The following NCOA2 variants were observed in gnomAD, a reference collection of about 807,000 sequenced individuals.
NCOA2 encodes nuclear receptor coactivator 2.
In NCOA2, 21 loss-of-function variants were observed where a neutral mutation model predicts 145.1. The observed-to-expected ratio is 0.14, with a 90% confidence interval of 0.10 to 0.21. The LOEUF is 0.21. Ranked by LOEUF, NCOA2 falls within the 10% of genes least tolerant of loss-of-function variation. NCOA2 has a pLI of 1.00. For missense variants in NCOA2, 1,472 were observed against 1,837.6 expected (o/e 0.80, Z 3.64); for synonymous variants, 619 against 637.5 (o/e 0.97, Z 0.44).
chr8:70,218,187 G>A (rs959266844), intron 2 of NCOA2, among the ~76,000 whole-genome samples: 25 of 143,738 alleles, frequency 1.7e-4, no homozygotes, highest in African/African-American at 4.4e-4. Context: ...ATACAATAGC[G>A]CAGTGGAGTT....
the NCOA2 span, among the ~76,000 whole-genome samples, chr8:70,410,960 T>A: frequency 6.6e-6 from 1 of 152,040 alleles, no homozygotes; most frequent in Non-Finnish European, 1.5e-5. Context: ...TATTCTGGGG[T>A]GATTAATATT....
At chr8:70,380,978 T>C (rs558641561) in intron 1 of NCOA2, among the ~76,000 whole-genome samples, 1 of 150,694 alleles carries the variant, frequency 6.6e-6, no homozygotes, top group Admixed American at 6.6e-5. Flanking sequence ...TGGGATGAGG[T>C]AGGAGGATCA....
upstream of NCOA2, chr8:70,403,872 C>CCTCCTCCTT: frequency 2.6e-6 from 1 of 387,600 alleles, no homozygotes; most frequent in Non-Finnish European, 4.6e-6. Flanking sequence ...TCCTCCTCCT[C>CCTCCTCCTT]CTCCTCCGCG....
chr8:70,376,447 G>A (rs1203243975), intron 1 of NCOA2, among the ~76,000 whole-genome samples: 2 of 151,912 alleles, frequency 1.3e-5, no homozygotes, highest in African/African-American at 4.8e-5. Flanking sequence ...ATACAGTCTG[G>A]ATTTTTCTAT....
At chr8:70,195,933 G>A (rs184832861) in intron 4 of NCOA2, among the ~76,000 whole-genome samples, 21 of 152,284 alleles carry the variant, frequency 1.4e-4, no homozygotes, top group Admixed American at 1.4e-3. Context: ...AGAAGGAACA[G>A]CATTATAGGG....
At chr8:70,396,462 G>T (rs917735828) in intron 1 of NCOA2, among the ~76,000 whole-genome samples, 1 of 152,190 alleles carries the variant, frequency 6.6e-6, no homozygotes, top group Admixed American at 6.5e-5. Flanking sequence ...GAGCTAACAA[G>T]AACAGGGTTC....
intron 15 of NCOA2, among the ~76,000 whole-genome samples, chr8:70,133,964 C>T (rs1207719876): frequency 6.6e-6 from 1 of 152,194 alleles, no homozygotes; most frequent in African/African-American, 2.4e-5. Context: ...CCTGCTTCCC[C>T]GACTTCCTCA....
At chr8:70,154,965 G>A (rs1275306426) in intron 11 of NCOA2, among the ~76,000 whole-genome samples, 1 of 152,186 alleles carries the variant, frequency 6.6e-6, no homozygotes, top group Non-Finnish European at 1.5e-5. Flanking sequence ...GTGAGGTAAT[G>A]TATTTGTTAA....
At chr8:70,383,966 G>A (rs1812447084) in intron 1 of NCOA2, among the ~76,000 whole-genome samples, 1 of 152,064 alleles carries the variant, frequency 6.6e-6, no homozygotes, top group Non-Finnish European at 1.5e-5. Context: ...TTTCCATCAG[G>A]GAATTTAGCT....
In NCOA2 at chr8:70,166,648, A is replaced by T; in HGVS notation, c.648T>A (p.Asp216Glu). The change falls in exon 7 of 23, where the codon GAT becomes GAA. Residue 216 changes from aspartate (D) to glutamate (E), a missense_variant. Asp to Glu is a conservative substitution (Grantham distance 45, BLOSUM62 2). Transcript: ENST00000452400. Reference protein sequence around the residue: ...PLPDSEEEGHDNQEAHQKYET... With the variant: ...PLPDSEEEGHENQEAHQKYET... ...CATATTTCTGATGAGCTTCCTGGTT[A>T]TCATGACCCTCCTCTTCTGAATCAG... 6.2e-7 allele frequency: 1 copy of T among 1,614,024 alleles called. No homozygotes were observed. Among genetic ancestry groups the T allele is most frequent in the Non-Finnish European group, 8.5e-7 (1 of 1,179,892 alleles).
intron 1 of NCOA2, among the ~76,000 whole-genome samples, chr8:70,397,021 A>G: frequency 6.6e-6 from 1 of 152,152 alleles, no homozygotes. Flanking sequence ...AATGGAGGTA[A>G]CCTCTATTTT....
At chr8:70,310,132 A>G (rs2135989171) in intron 1 of NCOA2, among the ~76,000 whole-genome samples, 1 of 152,064 alleles carries the variant, frequency 6.6e-6, no homozygotes, top group African/African-American at 2.4e-5. Flanking sequence ...GGAGTTCGAG[A>G]CCAGCAAGAC....
chr8:70,341,994 T>C (rs539944433), intron 1 of NCOA2, among the ~76,000 whole-genome samples: 227 of 152,330 alleles, frequency 1.5e-3, no homozygotes, highest in African/African-American at 5.3e-3. Flanking sequence ...GAGGATTCTT[T>C]TCTCCTAAAA....
At chr8:70,394,865 T>C (rs530233952) in intron 1 of NCOA2, among the ~76,000 whole-genome samples, 43 of 152,342 alleles carry the variant, frequency 2.8e-4, no homozygotes, top group African/African-American at 1.0e-3. Flanking sequence ...AACCACAATG[T>C]TGTCCAGCAA....
chr8:70,159,244 T>TA lies in NCOA2; in HGVS notation c.1124+260_1124+261insT. Reference sequence around the variant, plus strand: ...ACATTATATATATATATATATATATTTTTTTTTTTTTCCCCCAAATATTTT... The same window carrying TA: ...ACATTATATATATATATATATATATTATTTTTTTTTTTCCCCCAAATATTTT... On this transcript the variant is annotated intron_variant, in intron 10 of 22. Coordinates refer to ENST00000452400, the MANE Select transcript of NCOA2 (RefSeq NM_006540.4). 2.2e-3 allele frequency among the ~76,000 whole-genome samples: 153 copies of TA among 69,272 alleles called. 7 individuals carry two copies. Among genetic ancestry groups the TA allele is most frequent in the East Asian group, 0.019 (51 of 2,660 alleles). 45.4% of individuals were successfully genotyped at this position (69,272 alleles called of 152,430 possible).
the NCOA2 span, chr8:70,424,558 CAGGGATCACA>C: frequency 1.9e-6 from 1 of 524,176 alleles, no homozygotes; most frequent in South Asian, 1.4e-5. Flanking sequence ...TGGAATTTCT[CAGGGATCACA>C]AGAGATAAGG....
intron 2 of NCOA2, among the ~76,000 whole-genome samples, chr8:70,274,345 A>G (rs1234335928): frequency 1.3e-5 from 2 of 152,198 alleles, no homozygotes; most frequent in African/African-American, 4.8e-5. Flanking sequence ...TATCTACTCC[A>G]TTAGGATACT....
chr8:70,193,759 A>T (rs1028474854), intron 4 of NCOA2, among the ~76,000 whole-genome samples: 1 of 152,218 alleles, frequency 6.6e-6, no homozygotes, highest in African/African-American at 2.4e-5. Flanking sequence ...ATGCCCATCT[A>T]ATGTAGACAG....
chr8:70,208,128 T>C lies in NCOA2; in HGVS notation c.259+5775A>G, dbSNP rs541314054. On this transcript the variant is annotated intron_variant, in intron 4 of 22. Coordinates refer to ENST00000452400, the MANE Select transcript of NCOA2 (RefSeq NM_006540.4). The stretch of plus-strand genomic sequence containing the variant: ...ATAAAATAAATATAAGAAAGTGAAA[T>C]AGCCTTTTTGCTGATATGCACAAAG... Among the ~76,000 whole-genome samples, 15 of 151,834 alleles carry C rather than the reference T, an allele frequency of 9.9e-5. No homozygotes were observed. The South Asian group carries it at 2.9e-3, about 29-fold the overall frequency.
Sources: gnomAD v4.1 joint callset for allele counts (sites outside exome capture counted in the v4.1 genomes callset) on GRCh38, gnomAD v4.1.1 for gene constraint, MANE v1.5 for transcripts, NCBI Gene and HGNC (gene_info 2026-07-23, HGNC 2026-07-21) for gene names.